The following TMPPE variants were observed in gnomAD, a reference collection of about 807,000 sequenced individuals.
The protein encoded by TMPPE is transmembrane protein with metallophosphoesterase domain.
Under a neutral mutation model 22.6 loss-of-function variants are expected in TMPPE, and 16 were observed. The ratio of observed to expected loss-of-function variants is 0.71; its 90% CI spans 0.48 to 1.08. The LOEUF is 1.08. Among genes scored for constraint, TMPPE ranks in the 50% least tolerant of loss-of-function variants. The probability of loss-of-function intolerance (pLI) is 0.00; values close to 1 mark genes in which losing one functional copy is unlikely to be tolerated. For synonymous variants in TMPPE, 240 were observed against 245.3 expected (o/e 0.98, Z 0.20); for missense variants, 526 against 584.3 (o/e 0.90, Z 1.03).
In TMPPE at chr3:33,094,066, G is replaced by A; in HGVS notation, c.130C>T (p.Leu44Phe). ...ACAAACAGGGCAAGCTGCAAGCGAAGCAGCCAACGCCAGGCCCTGAGCTCA... is the reference window on the plus strand; with the variant it reads ...ACAAACAGGGCAAGCTGCAAGCGAAACAGCCAACGCCAGGCCCTGAGCTCA... ...SLELRAWRWL[L>F]RLQLALFVNS... Residue 44 changes from leucine to phenylalanine, a missense_variant, in exon 2 of 2, where the codon CTT (leucine) becomes TTT (phenylalanine). By Grantham distance (22) the Leu-to-Phe change is conservative. Transcript: ENST00000342462. 1 of 1,614,238 alleles carries A rather than the reference G, an allele frequency of 6.2e-7. No homozygotes were observed. The highest frequency in any genetic ancestry group is 8.5e-7 in the Non-Finnish European group (1 of 1,180,052).
rs201350483 is a variant in TMPPE, at chr3:33,093,257, T to C, written c.939A>G (p.Gln313=). The part of the protein sequence containing the change: ...ENVKISATRA[Q]RGGGGSGSGS... ...CACTGCCACTGCCACCACCACCACG[T>C]TGGGCCCGTGTGGCGGAAATCTTCA... The change falls in exon 2 of 2, where the codon CAA becomes CAG. Residue 313 remains glutamine (Q), a synonymous_variant. Transcript: ENST00000342462. This position sits in a 1 kb window ranked among gnomAD's most constrained non-coding sequence, Gnocchi z 6.0. 1.2e-6 allele frequency: 2 copies of C among 1,614,034 alleles called. No homozygotes were observed. Among genetic ancestry groups the C allele is most frequent in the East Asian group, 4.5e-5 (2 of 44,846 alleles).
At chr3:33,096,396 A>G (rs1160597558) in intron 1 of TMPPE, 1 of 672,156 alleles carries the variant, frequency 1.5e-6, no homozygotes, top group Non-Finnish European at 1.8e-6. Context: ...CAGCCTGCCT[A>G]TTCCCCCCCT....
chr3:33,092,534 T>G lies in TMPPE; in HGVS notation c.*300A>C. 8.7e-7 allele frequency: 1 copy of G among 1,143,330 alleles called. No homozygotes were observed. Among genetic ancestry groups the G allele is most frequent in the East Asian group, 4.5e-5 (1 of 22,378 alleles). 70.8% of individuals were successfully genotyped at this position (1,143,330 alleles called of 1,614,324 possible). On this transcript the variant is annotated 3_prime_UTR_variant, in exon 2 of 2. Coordinates refer to ENST00000342462, the MANE Select transcript of TMPPE (RefSeq NM_001039770.3). ...CGAGGGGAGGTTCATCCCTGGGAGC[T>G]CTGCAGGAGAAGGTCCCCATTCCAC... is the stretch of plus-strand genomic sequence containing the variant.
At chr3:33,094,439 A>G in intron 1 of TMPPE, 136 bp from the exon 2 acceptor site, 1 of 1,085,408 alleles carries the variant, frequency 9.2e-7, no homozygotes, top group Non-Finnish European at 1.2e-6. Context: ...TGCTAGCTAT[A>G]CTTTATTATT....
At position 33,091,264 on chromosome 3, in the gene TMPPE, CG is replaced by C. The variant is rs1264285678; in HGVS notation, c.*1569del. 8.1e-6 allele frequency: 8 copies of C among 985,448 alleles called. No individual in the cohort carries two copies. Among genetic ancestry groups the C allele is most frequent in the Non-Finnish European group, 8.4e-6 (7 of 829,986 alleles). The allele number at this position is 985,448 out of a possible 1,614,324, so 61.0% of individuals were successfully genotyped here. A position where few individuals can be genotyped will look rare whatever the true frequency, so the allele number is the denominator to read the frequency against. On this transcript the variant is annotated 3_prime_UTR_variant, in exon 2 of 2. Coordinates refer to ENST00000342462, the MANE Select transcript of TMPPE (RefSeq NM_001039770.3). ...GCATGGTATGGCCCACTGTCAATAC[CG>C]TGGCTGCCTGGGAACAAAAAGGGTG...
Position 33,093,499 on chromosome 3 carries a change from C to T in TMPPE, c.697G>A (p.Val233Met), listed in dbSNP as rs747195298. The T allele has an allele frequency of 2.5e-6, 4 of 1,614,220 alleles. No individual in the cohort carries two copies. Among genetic ancestry groups the T allele is most frequent in the Middle Eastern group, 1.6e-4 (1 of 6,062 alleles). ...GTGATGTCTGGTTCCAGCACATTCA[C>T]CATCCTCACAAACATTTCCATCTTG... ...RTKMEMFVRM[V>M]NVLEPDITVI... is the part of the protein sequence containing the mutation. The change falls in exon 2 of 2, where the codon GTG becomes ATG. Residue 233 changes from valine (V) to methionine (M), a missense_variant. By Grantham distance (21) the Val-to-Met change is conservative. Coordinates refer to ENST00000342462, the MANE Select transcript of TMPPE (RefSeq NM_001039770.3). The surrounding 1 kb of genome is among the most constrained non-coding windows in gnomAD (Gnocchi z 6.0).
At position 33,091,448 on chromosome 3, in the gene TMPPE, A is replaced by G; in HGVS notation, c.*1386T>C. 4 of 985,502 alleles carry G rather than the reference A, an allele frequency of 4.1e-6. No individual in the cohort carries two copies. The highest frequency in any genetic ancestry group is 2.4e-6 in the Non-Finnish European group (2 of 829,986). 61.0% of individuals were successfully genotyped at this position (985,502 alleles called of 1,614,324 possible). On this transcript the variant is annotated 3_prime_UTR_variant, in exon 2 of 2. Coordinates refer to ENST00000342462, the MANE Select transcript of TMPPE (RefSeq NM_001039770.3). ...CTGCCCCAGCAGCAGGCAGCTCGCT[A>G]CCCACTCACATTCCCCAGGACTGGC...
intron 1 of TMPPE, 161 bp downstream of exon 1, chr3:33,096,558 G>A (rs1169081511): frequency 1.0e-6 from 1 of 984,024 alleles, no homozygotes; most frequent in African/African-American, 1.7e-5. Flanking sequence ...TGTTCCCACT[G>A]CAAGGGCCTC....
Position 33,096,983 on chromosome 3 carries a change from T to C in TMPPE, c.-373A>G, listed in dbSNP as rs1216562897. ...CGCCAGCCTGTCCCCTAGCAATGCC[T>C]CCCCGTACCCGGGTCCCGCAGACTT... On this transcript the variant is annotated 5_prime_UTR_variant, in exon 1 of 2. Coordinates refer to ENST00000342462, the MANE Select transcript of TMPPE (RefSeq NM_001039770.3). 23 of 1,608,968 alleles carry C rather than the reference T, an allele frequency of 1.4e-5. No homozygotes were observed. The highest frequency in any genetic ancestry group is 2.0e-5 in the Non-Finnish European group (23 of 1,177,762).
At position 33,092,784 on chromosome 3, in the gene TMPPE, T is replaced by C. The variant is rs761777784; in HGVS notation, c.*50A>G. 5 of 1,534,826 alleles carry C rather than the reference T, an allele frequency of 3.3e-6. No individual in the cohort carries two copies. The highest frequency in any genetic ancestry group is 3.5e-6 in the Non-Finnish European group (4 of 1,140,698). On this transcript the variant is annotated 3_prime_UTR_variant, in exon 2 of 2. Transcript: ENST00000342462. ...GCAGGCAAACCACTCTGAAGCAGGA[T>C]GGAGGGTCGAGGACAAGGGCAGGGC... is the stretch of plus-strand genomic sequence containing the variant.
In TMPPE at chr3:33,096,865, T is replaced by C; in HGVS notation, c.-255A>G. The C allele has an allele frequency of 2.8e-6, 4 of 1,415,532 alleles. No individual in the cohort carries two copies. The highest frequency in any genetic ancestry group is 3.7e-6 in the Non-Finnish European group (4 of 1,083,430). The allele number at this position is 1,415,532 out of a possible 1,614,324, so 87.7% of individuals were successfully genotyped here. A position where few individuals can be genotyped will look rare whatever the true frequency, so the allele number is the denominator to read the frequency against. On this transcript the variant is annotated 5_prime_UTR_variant, in exon 1 of 2. Coordinates refer to ENST00000342462, the MANE Select transcript of TMPPE (RefSeq NM_001039770.3). ...CGGGAAGGCCGGTCCACTGCCTGCG[T>C]TCCGCCGGCCGCGAGCCTGCTGGGG... is the stretch of plus-strand genomic sequence containing the variant.
At position 33,093,309 on chromosome 3, in the gene TMPPE, T is replaced by A. The variant is rs758431159; in HGVS notation, c.887A>T (p.His296Leu). Residue 296 changes from histidine (H) to leucine (L), a missense_variant, in exon 2 of 2, where the codon CAT becomes CTT. Transcript: ENST00000342462. This position sits in a 1 kb window ranked among gnomAD's most constrained non-coding sequence, Gnocchi z 6.0. ...SNWFALLESL[H>L]VQPLHNENVK... Reference sequence around the variant, plus strand: ...GTTCTCATTATGAAGAGGCTGGACATGCAGGGATTCCAGAAGTGCAAACCA... The same window carrying A: ...GTTCTCATTATGAAGAGGCTGGACAAGCAGGGATTCCAGAAGTGCAAACCA... 1 of 1,614,090 alleles carries A rather than the reference T, an allele frequency of 6.2e-7. No individual in the cohort carries two copies. The highest frequency in any genetic ancestry group is 2.2e-5 in the East Asian group (1 of 44,856).
At position 33,096,909 on chromosome 3, in the gene TMPPE, C is replaced by A; in HGVS notation, c.-299G>T. ...GCTGGGGGGCACTTCGGGGCTCAGG[C>A]TCCCCGCCCTGCGGGACCGCGGGTG... On this transcript the variant is annotated 5_prime_UTR_variant, in exon 1 of 2. Transcript: ENST00000342462. 2.0e-6 allele frequency: 3 copies of A among 1,523,860 alleles called. No individual in the cohort carries two copies. Among genetic ancestry groups the A allele is most frequent in the Non-Finnish European group, 2.6e-6 (3 of 1,134,804 alleles). 94.4% of individuals were successfully genotyped at this position (1,523,860 alleles called of 1,614,324 possible). A position where few individuals can be genotyped will look rare whatever the true frequency, so the allele number is the denominator to read the frequency against.
Position 33,090,708 on chromosome 3 carries a change from T to C in TMPPE, c.*2126A>G. On this transcript the variant is annotated 3_prime_UTR_variant, in exon 2 of 2. Coordinates refer to ENST00000342462, the MANE Select transcript of TMPPE (RefSeq NM_001039770.3). ...ACCAGGGCCAGAATCTGGACAGTGA[T>C]GGAGAAATTTCTGCTGCAAAAATGT... is the stretch of plus-strand genomic sequence containing the variant. 4.1e-6 allele frequency: 4 copies of C among 985,440 alleles called. No individual in the cohort carries two copies. Among genetic ancestry groups the C allele is most frequent in the Middle Eastern group, 5.2e-4 (1 of 1,914 alleles). 61.0% of individuals were successfully genotyped at this position (985,440 alleles called of 1,614,324 possible).
Position 33,093,131 on chromosome 3 carries a change from C to T in TMPPE, c.1065G>A (p.Leu355=). The T allele has an allele frequency of 6.2e-7, 1 of 1,614,180 alleles. No individual in the cohort carries two copies. Among genetic ancestry groups the T allele is most frequent in the Non-Finnish European group, 8.5e-7 (1 of 1,180,028 alleles). ...TTGTGTGGTCTGGGCTGCAGCCCTC[C>T]AGGGCCTTGTCAAGATCCATGCCAT... ...SGHGMDLDKA[L]EGCSPDHTII... The change falls in exon 2 of 2, where the codon CTG becomes CTA. Residue 355 remains leucine, a synonymous_variant. Coordinates refer to ENST00000342462, the MANE Select transcript of TMPPE (RefSeq NM_001039770.3). The surrounding 1 kb of genome is among the most constrained non-coding windows in gnomAD (Gnocchi z 6.0).
chr3:33,090,723 T>G lies in TMPPE; in HGVS notation c.*2111A>C, dbSNP rs143050102. The G allele has an allele frequency of 8.7e-4, 854 of 985,424 alleles. 23 individuals are homozygous for G. Among genetic ancestry groups the G allele is most frequent in the East Asian group, 2.7e-3 (24 of 8,820 alleles). 61.0% of individuals were successfully genotyped at this position (985,424 alleles called of 1,614,324 possible). A position where few individuals can be genotyped will look rare whatever the true frequency, so the allele number is the denominator to read the frequency against. ...TGGACAGTGATGGAGAAATTTCTGC[T>G]GCAAAAATGTCCGCCGCGTCAGGGA... On this transcript the variant is annotated 3_prime_UTR_variant, in exon 2 of 2. Transcript: ENST00000342462.
Position 33,096,950 on chromosome 3 carries a change from C to T in TMPPE, c.-340G>A. On this transcript the variant is annotated 5_prime_UTR_variant, in exon 1 of 2. Coordinates refer to ENST00000342462, the MANE Select transcript of TMPPE (RefSeq NM_001039770.3). ...ACCGCGGGTGGCTGCGACCCCAGCCCGGTTCCCCGCCAGCCTGTCCCCTAG... is the reference window on the plus strand; with the variant it reads ...ACCGCGGGTGGCTGCGACCCCAGCCTGGTTCCCCGCCAGCCTGTCCCCTAG... 1.9e-6 allele frequency: 3 copies of T among 1,581,582 alleles called. No individual in the cohort carries two copies. The highest frequency in any genetic ancestry group is 1.8e-5 in the Admixed American group (1 of 55,368).
Position 33,093,014 on chromosome 3 carries a change from A to G in TMPPE, c.1182T>C (p.Ala394=), listed in dbSNP as rs762413581. ...INLILSGHTH[A]GQIFPLNVAA... ...CTACGTTCAAGGGGAAGATCTGCCC[A>G]GCATGTGTGTGCCCAGAAAGGATCA... is the stretch of plus-strand genomic sequence containing the variant. Residue 394 remains alanine, a synonymous_variant, in exon 2 of 2, where the codon GCT becomes GCC. Coordinates refer to ENST00000342462, the MANE Select transcript of TMPPE (RefSeq NM_001039770.3). The surrounding 1 kb of genome is among the most constrained non-coding windows in gnomAD (Gnocchi z 6.0). 3 of 1,614,140 alleles carry G rather than the reference A, an allele frequency of 1.9e-6. No homozygotes were observed. The highest frequency in any genetic ancestry group is 2.2e-5 in the South Asian group (2 of 91,092).
rs1701047641 is a variant in TMPPE at position 33,096,748 on chromosome 3, A to T, written c.-138T>A. On this transcript the variant is annotated 5_prime_UTR_variant, in exon 1 of 2. Coordinates refer to ENST00000342462, the MANE Select transcript of TMPPE (RefSeq NM_001039770.3). ...TCTCAACACCTCGTTACAGATGGGG[A>T]AGTGGATCCAAGCGCAAAGGGCGGC... 8 of 1,306,530 alleles carry T rather than the reference A, an allele frequency of 6.1e-6. No homozygotes were observed. The highest frequency in any genetic ancestry group is 1.6e-5 in the African/African-American group (1 of 63,884). 80.9% of individuals were successfully genotyped at this position (1,306,530 alleles called of 1,614,324 possible). A position where few individuals can be genotyped will look rare whatever the true frequency, so the allele number is the denominator to read the frequency against.
Sources: allele counts gnomAD v4.1 joint callset, GRCh38; gene constraint gnomAD v4.1.1; non-coding constraint Gnocchi (gnomAD v3.1); transcripts MANE v1.5; gene names NCBI Gene and HGNC (gene_info 2026-07-23, HGNC 2026-07-21).